UBP1: variants seen among roughly 807,000 people sequenced by gnomAD.
UBP1 encodes the protein upstream binding protein 1, also known as upstream-binding protein 1.
UBP1 carries 22 observed loss-of-function variants against 76.1 expected under a neutral mutation model. The observed-to-expected ratio is 0.29, with a 90% CI of 0.21 to 0.41. The LOEUF (loss-of-function observed/expected upper bound fraction) is 0.41. Among genes scored for constraint, UBP1 ranks in the 10% least tolerant of loss-of-function variants. The pLI is 1.00. For synonymous variants in UBP1, 224 were observed against 237.1 expected, an observed-to-expected ratio of 0.94 and a Z score of 0.51; for missense variants, 436 against 668.1, an observed-to-expected ratio of 0.65 and a Z score of 3.83.
chr3:33,423,335 G>A (rs991593253), intron 2 of UBP1, among the ~76,000 whole-genome samples: 2 of 149,922 alleles, frequency 1.3e-5, no homozygotes, highest in African/African-American at 2.4e-5. Context: ...CATCGTGCCC[G>A]GCCCATATTT....
chr3:33,396,870 G>A (rs1230955003), intron 12 of UBP1, 175 bp downstream of exon 12: 3 of 701,870 alleles, frequency 4.3e-6, no homozygotes, highest in Non-Finnish European at 7.8e-6. Context: ...CATCATATCT[G>A]GGCCTGCCCT....
Position 33,390,278 on chromosome 3 carries a change from C to T in UBP1, c.*53G>A. 1 of 1,552,326 alleles carries T rather than the reference C, an allele frequency of 6.4e-7. No individual in the cohort carries two copies. On this transcript the variant is annotated 3_prime_UTR_variant, in exon 16 of 16. Coordinates refer to ENST00000283629, the MANE Select transcript of UBP1 (RefSeq NM_014517.5). ...AGACTTCTTGGATTCAGTCTTCACA[C>T]ACTTTTAAGCGTGACTATTTGGTAC... is the stretch of plus-strand genomic sequence containing the variant.
At chr3:33,401,850 C>T (rs1174368549) in intron 9 of UBP1, among the ~76,000 whole-genome samples, 1 of 152,150 alleles carries the variant, frequency 6.6e-6, no homozygotes, top group Non-Finnish European at 1.5e-5. Flanking sequence ...TCAGACCGGA[C>T]TGACTGACTA....
intron 3 of UBP1, chr3:33,414,258 G>C (rs984269787): frequency 6.6e-6 from 1 of 151,968 alleles, no homozygotes; most frequent in African/African-American, 2.4e-5. Context: ...AAAAGGAAGG[G>C]AGGAAGGGAA....
intron 15 of UBP1, chr3:33,390,696 G>C (rs2043727899): frequency 1.2e-5 from 4 of 324,744 alleles, no homozygotes; most frequent in Non-Finnish European, 2.3e-5. Context: ...GCTAGAAGGA[G>C]AACAGGTGAA....
At chr3:33,398,319 G>T (rs576283081) in intron 11 of UBP1, 1 of 152,282 alleles carries the variant, frequency 6.6e-6, no homozygotes, top group East Asian at 1.9e-4. Flanking sequence ...ACAAAGATCA[G>T]AGAAGCACAT....
At position 33,388,642 on chromosome 3, in the gene UBP1, T is replaced by G. The variant is rs768030347; in HGVS notation, c.*1689A>C. The stretch of plus-strand genomic sequence containing the variant: ...AGCAAAACTTTTAAAACAAACGAGA[T>G]AAACTCACTTCTTTCCCCAGTGACT... On this transcript the variant is annotated 3_prime_UTR_variant, in exon 16 of 16. Transcript: ENST00000283629. 3 of 152,130 alleles carry G rather than the reference T, an allele frequency of 2.0e-5. No individual in the cohort carries two copies. Among genetic ancestry groups the G allele is most frequent in the Admixed American group, 6.5e-5 (1 of 15,284 alleles). The allele number at this position is 152,130 out of a possible 1,614,324, so 9.4% of individuals were successfully genotyped here. A position where few individuals can be genotyped will look rare whatever the true frequency, so the allele number is the denominator to read the frequency against.
At chr3:33,404,990 G>A (rs962524975) in intron 8 of UBP1, among the ~76,000 whole-genome samples, 1 of 151,988 alleles carries the variant, frequency 6.6e-6, no homozygotes, top group African/African-American at 2.4e-5. Context: ...AAATCTGTAG[G>A]ATTTGTTGTT....
At position 33,390,659 on chromosome 3, in the gene UBP1, A is replaced by G. The variant is rs1402471913; in HGVS notation, c.1586-291T>C. ...GGGACATCTATCAAGACACACAATA[A>G]TAGTGCTGTCCATAAGGGGAGCAAG... On this transcript the variant is annotated intron_variant, in intron 15 of 15. Transcript: ENST00000283629. 7 of 453,830 alleles carry G rather than the reference A, an allele frequency of 1.5e-5. No homozygotes were observed. The East Asian group carries it at 2.4e-4, about 15-fold the overall frequency. 28.1% of individuals were successfully genotyped at this position (453,830 alleles called of 1,614,324 possible). A position where few individuals can be genotyped will look rare whatever the true frequency, so the allele number is the denominator to read the frequency against.
At chr3:33,392,701 A>C in intron 14 of UBP1, 87 bp from the exon 15 acceptor site, 3 of 1,294,356 alleles carry the variant, frequency 2.3e-6, no homozygotes, top group Non-Finnish European at 3.2e-6. Context: ...TATTCTTCTC[A>C]AACAAACACA....
chr3:33,397,020 A>G (rs771288008), intron 12 of UBP1, 25 bp downstream of exon 12: 22 of 1,577,678 alleles, frequency 1.4e-5, no homozygotes, highest in Non-Finnish European at 1.8e-5. Context: ...TCTTATTTCA[A>G]GCAAAACAGT....
At chr3:33,407,318 A>G (rs1272661090) in intron 8 of UBP1, among the ~76,000 whole-genome samples, 1 of 152,218 alleles carries the variant, frequency 6.6e-6, no homozygotes, top group Non-Finnish European at 1.5e-5. Flanking sequence ...CTGGGCTATA[A>G]TGAATTTCTT....
Position 33,401,020 on chromosome 3 carries a change from G to T in UBP1, c.1032-4C>A. Reference sequence around the variant, plus strand: ...ATGATTTGGGGAAGAAGAATTGCTGGGGAGAAAGGAGAAAGAAGGAAATGA... The same window carrying T: ...ATGATTTGGGGAAGAAGAATTGCTGTGGAGAAAGGAGAAAGAAGGAAATGA... On this transcript the variant is annotated splice_polypyrimidine_tract_variant and splice_region_variant and intron_variant, in intron 9 of 15. Coordinates refer to ENST00000283629, the MANE Select transcript of UBP1 (RefSeq NM_014517.5). 1 of 1,586,426 alleles carries T rather than the reference G, an allele frequency of 6.3e-7. No individual in the cohort carries two copies. Among genetic ancestry groups the T allele is most frequent in the South Asian group, 1.2e-5 (1 of 85,500 alleles).
chr3:33,393,307 T>C lies in UBP1; in HGVS notation c.1533+5A>G. The C allele has an allele frequency of 6.2e-7, 1 of 1,600,474 alleles. No homozygotes were observed. Among genetic ancestry groups the C allele is most frequent in the Non-Finnish European group, 8.5e-7 (1 of 1,175,408 alleles). On this transcript the variant is annotated splice_donor_5th_base_variant and intron_variant, in intron 14 of 15. Transcript: ENST00000283629. The stretch of plus-strand genomic sequence containing the variant: ...TGAAAAGGAAAAACAAATGATTTGA[T>C]TTACCTGATCACTAACAAGAATGTG...
intron 1 of UBP1, among the ~76,000 whole-genome samples, chr3:33,427,262 G>A (rs1042641446): frequency 3.3e-5 from 5 of 152,188 alleles, no homozygotes; most frequent in Non-Finnish European, 7.3e-5. Flanking sequence ...ATCACGCCCC[G>A]CCTCTGTTTA....
intron 3 of UBP1, among the ~76,000 whole-genome samples, chr3:33,415,217 G>T (rs2044698932): frequency 6.6e-6 from 1 of 152,170 alleles, no homozygotes; most frequent in Non-Finnish European, 1.5e-5. Context: ...TCAGGGAACT[G>T]CCCTGGAAAG....
intron 11 of UBP1, among the ~76,000 whole-genome samples, chr3:33,399,450 C>A (rs1450557867): frequency 2.6e-5 from 4 of 152,080 alleles, no homozygotes; most frequent in Non-Finnish European, 4.4e-5. Context: ...TAATTGAGTA[C>A]ACTCAGACTA....
chr3:33,393,101 C>G, intron 14 of UBP1: 1 of 524,786 alleles, frequency 1.9e-6, no homozygotes, highest in Non-Finnish European at 3.1e-6. Flanking sequence ...TGGGGGGAGG[C>G]TAAGCCAGTT....
At chr3:33,426,401 T>C (rs2045018902) in intron 1 of UBP1, among the ~76,000 whole-genome samples, 1 of 152,124 alleles carries the variant, frequency 6.6e-6, no homozygotes, top group Non-Finnish European at 1.5e-5. Context: ...GGACACTGTT[T>C]TTATTGGATG....
Sources: gnomAD v4.1 joint callset for allele counts (sites outside exome capture counted in the v4.1 genomes callset) on GRCh38, gnomAD v4.1.1 for gene constraint, MANE v1.5 for transcripts, NCBI Gene and HGNC (gene_info 2026-07-23, HGNC 2026-07-21) for gene names.